The following NDRG1 variants were observed in gnomAD, a reference collection of about 807,000 sequenced individuals.
The protein encoded by NDRG1 is N-myc downstream regulated 1, also known as protein NDRG1.
Under a neutral mutation model 56.9 loss-of-function variants are expected in NDRG1, and 32 were observed. The ratio of observed to expected loss-of-function variants is 0.56; its 90% CI spans 0.42 to 0.76. NDRG1 has a LOEUF of 0.76. Ranked by LOEUF, NDRG1 falls within the 30% of genes least tolerant of loss-of-function variation. NDRG1 has a pLI of 0.00. For missense variants in NDRG1, 507 were observed against 545.7 expected (o/e 0.93, Z 0.71); for synonymous variants, 211 against 204.1 (o/e 1.03, Z -0.29).
chr8:133,285,393 A>G (rs1376343515), intron 1 of NDRG1, among the ~76,000 whole-genome samples: 1 of 152,206 alleles, frequency 6.6e-6, no homozygotes, highest in East Asian at 1.9e-4. Flanking sequence ...TCACAGATCC[A>G]GACTTTCTGA....
At chr8:133,256,906 T>C (rs1223911544) in intron 7 of NDRG1, 43 bp from the exon 8 acceptor site, 3 of 1,575,214 alleles carry the variant, frequency 1.9e-6, no homozygotes, top group Non-Finnish European at 2.6e-6. Flanking sequence ...CCCAGCAATC[T>C]GAAACACTAG....
intron 1 of NDRG1, among the ~76,000 whole-genome samples, chr8:133,295,197 G>A (rs1858677847): frequency 6.6e-6 from 1 of 152,166 alleles, no homozygotes; most frequent in Admixed American, 6.5e-5. Flanking sequence ...AACTCAACCT[G>A]CTGGTTCACA....
Position 133,237,769 on chromosome 8 carries a change from T to C in NDRG1, c.*1109A>G. The C allele has an allele frequency of 4.5e-6, 1 of 221,026 alleles. No individual in the cohort carries two copies. Among genetic ancestry groups the C allele is most frequent in the Non-Finnish European group, 8.7e-6 (1 of 115,476 alleles). The allele number at this position is 221,026 out of a possible 1,614,324, so 13.7% of individuals were successfully genotyped here. On this transcript the variant is annotated 3_prime_UTR_variant, in exon 16 of 16. Coordinates refer to ENST00000323851, the MANE Select transcript of NDRG1 (RefSeq NM_006096.4). ...GGGTCAGACAGGTTCAGCTACTGAG[T>C]TCACGTTCCAGCCCAGCTGTCGAAG...
chr8:133,283,857 C>T (rs778293631), intron 2 of NDRG1, among the ~76,000 whole-genome samples: 2 of 152,182 alleles, frequency 1.3e-5, no homozygotes, highest in Non-Finnish European at 2.9e-5. Flanking sequence ...CAACTGGGCC[C>T]CATGTTGCAT....
chr8:133,277,020 CA>C (rs1472071013), intron 3 of NDRG1, among the ~76,000 whole-genome samples: 1 of 152,238 alleles, frequency 6.6e-6, no homozygotes, highest in African/African-American at 2.4e-5. Context: ...GAAATGCTGA[CA>C]CCTGCTACAA....
chr8:133,253,134 C>T (rs1856165835), intron 9 of NDRG1, among the ~76,000 whole-genome samples: 1 of 152,332 alleles, frequency 6.6e-6, no homozygotes, highest in South Asian at 2.1e-4. Flanking sequence ...CCATGGCATA[C>T]CCTTCCCGAG....
chr8:133,258,971 G>A, intron 6 of NDRG1, 197 bp downstream of exon 6: 1 of 654,338 alleles, frequency 1.5e-6, no homozygotes. Flanking sequence ...GAGGAAAACT[G>A]AAGTTAGAGG....
In NDRG1 at chr8:133,256,249, A is replaced by G. The variant is rs138924293; in HGVS notation, c.537+528T>C. The G allele has an allele frequency of 1.4e-4, 22 of 160,512 alleles. 1 individual carries two copies. In the East Asian group the frequency reaches 3.9e-3, roughly 28 times the overall value. The allele number at this position is 160,512 out of a possible 1,614,324, so 9.9% of individuals were successfully genotyped here. ...GAAGATTAACTGAGATCATGCACAC[A>G]CAGCAACGTAGAATGAAACTAGCAC... On this transcript the variant is annotated intron_variant, in intron 8 of 15. Transcript: ENST00000323851.
chr8:133,267,674 CT>C (rs1856989061), intron 3 of NDRG1, among the ~76,000 whole-genome samples: 1 of 152,220 alleles, frequency 6.6e-6, no homozygotes, highest in African/African-American at 2.4e-5. Flanking sequence ...GTCTCCCCAG[CT>C]GACCCACATG....
chr8:133,251,055 A>G (rs1281993835), intron 9 of NDRG1, among the ~76,000 whole-genome samples: 1 of 152,234 alleles, frequency 6.6e-6, no homozygotes, highest in Admixed American at 6.5e-5. Context: ...GAAGAGCTGA[A>G]AAGAAGTTTT....
intron 1 of NDRG1, among the ~76,000 whole-genome samples, chr8:133,285,324 G>C (rs1858046129): frequency 2.0e-5 from 3 of 152,340 alleles, no homozygotes; most frequent in African/African-American, 7.2e-5. Context: ...GACAGCAGCA[G>C]AGGACCGGCG....
intron 12 of NDRG1, among the ~76,000 whole-genome samples, chr8:133,247,652 G>C (rs1426678574): frequency 1.3e-5 from 2 of 152,226 alleles, no homozygotes; most frequent in African/African-American, 2.4e-5. Context: ...CGGGTGAGGG[G>C]ACCTGGGAGA....
At chr8:133,260,262 GC>G (rs1856595683) in intron 5 of NDRG1, among the ~76,000 whole-genome samples, 1 of 152,168 alleles carries the variant, frequency 6.6e-6, no homozygotes, top group South Asian at 2.1e-4. Flanking sequence ...GAGGAGCCCA[GC>G]CAGGGATCCC....
intron 14 of NDRG1, among the ~76,000 whole-genome samples, 194 bp from the exon 15 acceptor site, chr8:133,242,268 C>T (rs887142998): frequency 6.6e-6 from 1 of 152,184 alleles, no homozygotes; most frequent in Non-Finnish European, 1.5e-5. Flanking sequence ...AGCTGTGGAA[C>T]TTGGACAAGT....
intron 5 of NDRG1, among the ~76,000 whole-genome samples, chr8:133,261,507 C>T (rs991810699): frequency 3.9e-5 from 6 of 152,188 alleles, no homozygotes; most frequent in African/African-American, 1.4e-4. Flanking sequence ...GAGCTAACAA[C>T]AGCAGCCACA....
intron 5 of NDRG1, 60 bp from the exon 6 acceptor site, chr8:133,259,290 A>G (rs2130727882): frequency 6.5e-7 from 1 of 1,537,400 alleles, no homozygotes; most frequent in African/African-American, 1.4e-5. Flanking sequence ...TAATCCAAAC[A>G]GGGACACGCT....
chr8:133,268,636 A>T (rs753070423), intron 3 of NDRG1, among the ~76,000 whole-genome samples: 1 of 152,142 alleles, frequency 6.6e-6, no homozygotes, highest in Non-Finnish European at 1.5e-5. Flanking sequence ...AGGCCCATCA[A>T]TCCCATTTTA....
intron 3 of NDRG1, among the ~76,000 whole-genome samples, chr8:133,268,520 C>G (rs755460492): frequency 6.6e-6 from 1 of 152,194 alleles, no homozygotes; most frequent in African/African-American, 2.4e-5. Flanking sequence ...GAAGGTCACA[C>G]AGGGGCAGGG....
intron 4 of NDRG1, among the ~76,000 whole-genome samples, chr8:133,263,887 G>A (rs188697511): frequency 2.6e-4 from 37 of 143,144 alleles, no homozygotes; most frequent in African/African-American, 9.3e-4. Flanking sequence ...CTGCACTCCA[G>A]CCTGGGCAAC....
Sources: gnomAD v4.1 joint callset for allele counts (sites outside exome capture counted in the v4.1 genomes callset) on GRCh38, gnomAD v4.1.1 for gene constraint, MANE v1.5 for transcripts, NCBI Gene and HGNC (gene_info 2026-07-23, HGNC 2026-07-21) for gene names.